The following HTRA3 variants were observed in gnomAD, a reference collection of about 807,000 sequenced individuals.
HTRA3 encodes the protein HtrA serine peptidase 3.
A neutral mutation model predicts 43.2 loss-of-function variants in HTRA3; 41 were observed. The ratio of observed to expected loss-of-function variants is 0.95; its 90% CI spans 0.74 to 1.23. HTRA3 has a LOEUF of 1.23. Among genes scored for constraint, HTRA3 ranks in the 50% most tolerant of loss-of-function variants. The pLI is 0.00. For missense variants in HTRA3, 628 were observed against 647.1 expected (o/e 0.97, Z 0.32); for synonymous variants, 295 against 287.9 (o/e 1.02, Z -0.25).
chr4:8,275,981 G>A lies in HTRA3; in HGVS notation c.385+5628G>A, dbSNP rs116348049. Among the ~76,000 whole-genome samples the A allele has an allele frequency of 3.8e-3, 574 of 152,280 alleles. 6 individuals are homozygous for A. Among genetic ancestry groups the A allele is most frequent in the African/African-American group, 0.013 (549 of 41,540 alleles). The stretch of plus-strand genomic sequence containing the variant: ...GAGGGTGTTTGTGGACTAATGGGTG[G>A]GACAGGGTTTAAAATCATAGACCGC... On this transcript the variant is annotated intron_variant, in intron 1 of 8. Coordinates refer to ENST00000307358, the MANE Select transcript of HTRA3 (RefSeq NM_053044.5).
At chr4:8,300,675 AT>A (rs541265521) in intron 6 of HTRA3, among the ~76,000 whole-genome samples, 1 of 151,982 alleles carries the variant, frequency 6.6e-6, no homozygotes, top group Non-Finnish European at 1.5e-5. Flanking sequence ...AATCAGCTTT[AT>A]TTTTTATTTT....
At chr4:8,300,133 C>A (rs1262049860) in intron 6 of HTRA3, among the ~76,000 whole-genome samples, 1 of 152,176 alleles carries the variant, frequency 6.6e-6, no homozygotes, top group African/African-American at 2.4e-5. Context: ...AGCCACTATG[C>A]CCGGCTGTAT....
Position 8,282,491 on chromosome 4 carries a change from T to C in HTRA3, c.440T>C (p.Val147Ala). 6.2e-7 allele frequency: 1 copy of C among 1,614,116 alleles called. No individual in the cohort carries two copies. The highest frequency in any genetic ancestry group is 8.5e-7 in the Non-Finnish European group (1 of 1,180,004). ...AAGTTCAACTTCATTGCTGACGTGG[T>C]GGAGAAGATCGCACCAGCCGTGGTC... Reference protein sequence around the residue: ...RYKFNFIADVVEKIAPAVVHI... With the variant: ...RYKFNFIADVAEKIAPAVVHI... The change falls in exon 2 of 9, where the codon GTG becomes GCG. Residue 147 changes from valine (V) to alanine (A), a missense_variant. Val to Ala is a moderately conservative substitution (Grantham distance 64). Transcript: ENST00000307358.
At chr4:8,277,390 C>G (rs1201008715) in intron 1 of HTRA3, among the ~76,000 whole-genome samples, 1 of 152,220 alleles carries the variant, frequency 6.6e-6, no homozygotes, top group Non-Finnish European at 1.5e-5. Context: ...CATTTGCTTC[C>G]TGCCCACTGC....
chr4:8,270,946 ACT>A (rs1712246284), intron 1 of HTRA3, among the ~76,000 whole-genome samples: 1 of 151,990 alleles, frequency 6.6e-6, no homozygotes, highest in Non-Finnish European at 1.5e-5. Context: ...GTGCAGGTTG[ACT>A]CTGTACGTGG....
Position 8,303,284 on chromosome 4 carries a change from C to A in HTRA3, c.1100+773C>A, listed in dbSNP as rs140052598. ...GGAATCACCTGTGGTGGGACCGCCC[C>A]ACCCCATCCTGCCTCCTCGGCTGTC... On this transcript the variant is annotated intron_variant, in intron 7 of 8. Transcript: ENST00000307358. Among the ~76,000 whole-genome samples, 629 of 152,336 alleles carry A rather than the reference C, an allele frequency of 4.1e-3. 3 individuals are homozygous for A. The highest frequency in any genetic ancestry group is 5.5e-3 in the Non-Finnish European group (376 of 68,036).
chr4:8,305,745 C>T (rs1713818827), intron 8 of HTRA3, among the ~76,000 whole-genome samples: 1 of 152,140 alleles, frequency 6.6e-6, no homozygotes, highest in South Asian at 2.1e-4. Flanking sequence ...TTGAACCCAC[C>T]CTTCTGACGC....
At chr4:8,298,170 T>A (rs1232379756) in intron 6 of HTRA3, among the ~76,000 whole-genome samples, 1 of 152,198 alleles carries the variant, frequency 6.6e-6, no homozygotes, top group Non-Finnish European at 1.5e-5. Context: ...GAAAGGCCCT[T>A]TCAAAACTAA....
At chr4:8,303,259 G>A (rs1014899591) in intron 7 of HTRA3, among the ~76,000 whole-genome samples, 14 of 152,112 alleles carry the variant, frequency 9.2e-5, no homozygotes, top group African/African-American at 1.9e-4. Context: ...CTGCTGTGTC[G>A]GAATCACCTG....
intron 3 of HTRA3, among the ~76,000 whole-genome samples, chr4:8,290,739 C>A (rs1713199790): frequency 6.6e-6 from 1 of 152,204 alleles, no homozygotes; most frequent in South Asian, 2.1e-4. Flanking sequence ...AGGCTAGTTG[C>A]AGAGTCAGAT....
chr4:8,298,430 A>G (rs563299931), intron 6 of HTRA3, among the ~76,000 whole-genome samples: 1 of 152,344 alleles, frequency 6.6e-6, no homozygotes, highest in South Asian at 2.1e-4. Context: ...GCAAATTGCA[A>G]ATATTTTCTC....
intron 1 of HTRA3, among the ~76,000 whole-genome samples, chr4:8,274,882 A>C (rs1712456682): frequency 6.6e-6 from 1 of 152,162 alleles, no homozygotes. Context: ...GTGCAACCCC[A>C]AGCAGGTTCT....
Position 8,306,215 on chromosome 4 carries a change from A to G in HTRA3, c.*79A>G, listed in dbSNP as rs903086882. On this transcript the variant is annotated 3_prime_UTR_variant, in exon 9 of 9. Coordinates refer to ENST00000307358, the MANE Select transcript of HTRA3 (RefSeq NM_053044.5). The surrounding 1 kb of genome is among the most constrained non-coding windows in gnomAD (Gnocchi z 8.9). Reference sequence around the variant, plus strand: ...CGCCCCCCCGAGATCAGGACGAAGGACCACCGTCGGTCCTCAGCAGGGCGG... The same window carrying G: ...CGCCCCCCCGAGATCAGGACGAAGGGCCACCGTCGGTCCTCAGCAGGGCGG... The G allele has an allele frequency of 4.1e-5, 59 of 1,428,512 alleles. No homozygotes were observed. Among genetic ancestry groups the G allele is most frequent in the Admixed American group, 7.2e-5 (3 of 41,478 alleles). 88.5% of individuals were successfully genotyped at this position (1,428,512 alleles called of 1,614,324 possible).
chr4:8,289,056 C>T (rs192087949), intron 3 of HTRA3, among the ~76,000 whole-genome samples: 1 of 151,602 alleles, frequency 6.6e-6, no homozygotes, highest in East Asian at 1.9e-4. Flanking sequence ...CTTAAGGGAT[C>T]TTCCCACCTT....
chr4:8,278,998 G>A (rs914059537), intron 1 of HTRA3, among the ~76,000 whole-genome samples: 10 of 150,356 alleles, frequency 6.7e-5, no homozygotes, highest in African/African-American at 1.5e-4. Flanking sequence ...TCCTCTCTCC[G>A]CCCCTCCTCC....
chr4:8,281,333 G>A (rs966653234), intron 1 of HTRA3, among the ~76,000 whole-genome samples: 5 of 152,176 alleles, frequency 3.3e-5, no homozygotes, highest in South Asian at 2.1e-4. Flanking sequence ...AAAGCTGGAC[G>A]TTATGGACTG....
intron 5 of HTRA3, among the ~76,000 whole-genome samples, chr4:8,293,399 G>A (rs892621803): frequency 4.6e-5 from 7 of 152,182 alleles, no homozygotes; most frequent in Admixed American, 4.6e-4. Flanking sequence ...TGAGCTTCCA[G>A]GGACCAGGAG....
At chr4:8,283,385 T>C (rs1712835353) in intron 2 of HTRA3, among the ~76,000 whole-genome samples, 1 of 152,064 alleles carries the variant, frequency 6.6e-6, no homozygotes, top group African/African-American at 2.4e-5. Flanking sequence ...CCTGCCACCA[T>C]CCCCAGCCTC....
chr4:8,281,778 G>A (rs776661508), intron 1 of HTRA3, among the ~76,000 whole-genome samples: 2 of 152,232 alleles, frequency 1.3e-5, no homozygotes, highest in African/African-American at 2.4e-5. Flanking sequence ...ATCTGAGCCC[G>A]GGAAGGGTCC....
Sources: allele counts gnomAD v4.1 joint callset (sites outside exome capture counted in the v4.1 genomes callset), GRCh38; gene constraint gnomAD v4.1.1; non-coding constraint Gnocchi (gnomAD v3.1); transcripts MANE v1.5; gene names NCBI Gene and HGNC (gene_info 2026-07-23, HGNC 2026-07-21).